IMMP2L: variants seen among roughly 807,000 people sequenced by gnomAD.
IMMP2L encodes inner mitochondrial membrane peptidase subunit 2.
Under a neutral mutation model 19.3 loss-of-function variants are expected in IMMP2L, and 18 were observed. The ratio of observed to expected loss-of-function variants is 0.93; its 90% CI spans 0.64 to 1.38. The LOEUF is 1.38. Ranked by LOEUF, IMMP2L falls within the 40% of genes most tolerant of loss-of-function variation. IMMP2L has a pLI of 0.00. For missense variants in IMMP2L, 233 were observed against 218.2 expected, an observed-to-expected ratio of 1.07 and a Z score of -0.43; for synonymous variants, 76 against 73.0, an observed-to-expected ratio of 1.04 and a Z score of -0.21.
intron 5 of IMMP2L, among the ~76,000 whole-genome samples, chr7:110,689,020 AGT>A (rs1243282410): frequency 6.7e-6 from 1 of 149,660 alleles, no homozygotes; most frequent in Non-Finnish European, 1.5e-5. Flanking sequence ...TGATTCTCAA[AGT>A]GTTGTCCTGC....
chr7:111,308,028 T>C (rs1584547523), intron 3 of IMMP2L, among the ~76,000 whole-genome samples: 1 of 151,972 alleles, frequency 6.6e-6, no homozygotes, highest in Non-Finnish European at 1.5e-5. Context: ...AAAACAATTA[T>C]AGTGATATAG....
At chr7:111,191,539 C>A (rs1015507085) in intron 3 of IMMP2L, among the ~76,000 whole-genome samples, 1 of 151,720 alleles carries the variant, frequency 6.6e-6, no homozygotes, top group African/African-American at 2.4e-5. Flanking sequence ...ATGTACTCTT[C>A]CAGGCAAATT....
At chr7:110,884,309 A>G (rs1217343090) in intron 5 of IMMP2L, among the ~76,000 whole-genome samples, 2 of 152,008 alleles carry the variant, frequency 1.3e-5, no homozygotes, top group East Asian at 3.9e-4. Context: ...GAAATTACTG[A>G]GAGAAATGCT....
At chr7:111,195,686 T>C (rs1485640406) in intron 3 of IMMP2L, among the ~76,000 whole-genome samples, 1 of 2,914 alleles carries the variant, frequency 3.4e-4, no homozygotes, top group South Asian at 0.013. Flanking sequence ...CCCTATGAGT[T>C]CCTTTTTATG....
chr7:111,179,464 C>A (rs1223399975), intron 3 of IMMP2L, among the ~76,000 whole-genome samples: 3 of 151,978 alleles, frequency 2.0e-5, no homozygotes, highest in Non-Finnish European at 4.4e-5. Context: ...TCCAGTGTGG[C>A]CTAGGGAAAC....
At chr7:110,744,033 G>A (rs2130881948) in intron 5 of IMMP2L, among the ~76,000 whole-genome samples, 1 of 152,288 alleles carries the variant, frequency 6.6e-6, no homozygotes, top group Admixed American at 6.5e-5. Context: ...CAGCACAGCA[G>A]CAGTCTGAGT....
intron 3 of IMMP2L, among the ~76,000 whole-genome samples, chr7:111,066,980 C>A (rs1212620283): frequency 1.3e-5 from 2 of 152,136 alleles, no homozygotes; most frequent in Non-Finnish European, 2.9e-5. Flanking sequence ...TAGGTAAGCT[C>A]CCCTGCTCAG....
chr7:110,732,132 T>A (rs1032611883), intron 5 of IMMP2L, among the ~76,000 whole-genome samples: 5 of 152,118 alleles, frequency 3.3e-5, no homozygotes, highest in Non-Finnish European at 7.4e-5. Context: ...TTCAAGGGGC[T>A]GGAGAGCATG....
Position 110,972,015 on chromosome 7 carries a change from A to T in IMMP2L, c.240-8450T>A, listed in dbSNP as rs116195495. ...GAGGTTAGAACATAAGTAGAATATG[A>T]AGTATCCTGACACATTTCTGTTCCA... On this transcript the variant is annotated intron_variant, in intron 3 of 5. Coordinates refer to ENST00000405709, the MANE Select transcript of IMMP2L (RefSeq NM_032549.4). Among the ~76,000 whole-genome samples, 315 of 152,172 alleles carry T rather than the reference A, an allele frequency of 2.1e-3. 1 individual carries two copies. Among genetic ancestry groups the T allele is most frequent in the African/African-American group, 7.4e-3 (307 of 41,530 alleles).
intron 3 of IMMP2L, among the ~76,000 whole-genome samples, chr7:111,160,972 T>C (rs1178735991): frequency 2.0e-5 from 3 of 151,594 alleles, no homozygotes; most frequent in African/African-American, 4.8e-5. Context: ...AATAATTATC[T>C]GCCAATAAGT....
intron 3 of IMMP2L, among the ~76,000 whole-genome samples, chr7:111,486,140 C>T (rs760804580): frequency 6.6e-6 from 1 of 152,148 alleles, no homozygotes; most frequent in Non-Finnish European, 1.5e-5. Flanking sequence ...ACCTGAGAAG[C>T]ATTTAATCCC....
intron 3 of IMMP2L, among the ~76,000 whole-genome samples, chr7:111,454,570 A>G (rs1405598542): frequency 6.6e-6 from 1 of 152,080 alleles, no homozygotes; most frequent in Non-Finnish European, 1.5e-5. Context: ...TTTCCTGTGT[A>G]TCATTTCAAA....
intron 3 of IMMP2L, among the ~76,000 whole-genome samples, chr7:111,088,059 C>CTA (rs1796507731): frequency 4.6e-5 from 7 of 152,118 alleles, no homozygotes; most frequent in African/African-American, 1.4e-4. Flanking sequence ...GGTAAGGATT[C>CTA]AAACCCAGAC....
At chr7:110,867,124 C>T (rs1808060616) in intron 5 of IMMP2L, among the ~76,000 whole-genome samples, 1 of 151,886 alleles carries the variant, frequency 6.6e-6, no homozygotes, top group South Asian at 2.1e-4. Flanking sequence ...GACTGGGTGA[C>T]TTAAACAACA....
intron 3 of IMMP2L, among the ~76,000 whole-genome samples, chr7:111,430,188 G>A (rs1563181585): frequency 6.6e-6 from 1 of 151,748 alleles, no homozygotes; most frequent in Non-Finnish European, 1.5e-5. Flanking sequence ...AGCAAAATTA[G>A]AGAATACATA....
At chr7:111,538,444 T>C (rs970488490) in intron 1 of IMMP2L, among the ~76,000 whole-genome samples, 1 of 151,812 alleles carries the variant, frequency 6.6e-6, no homozygotes, top group Non-Finnish European at 1.5e-5. Context: ...CTGAAGATAT[T>C]TATGAAGAAA....
intron 4 of IMMP2L, among the ~76,000 whole-genome samples, chr7:110,916,503 A>G (rs1392278932): frequency 6.6e-6 from 1 of 152,224 alleles, no homozygotes; most frequent in Non-Finnish European, 1.5e-5. Context: ...ACAGAGAGTA[A>G]AAGTGAATCC....
chr7:111,409,002 A>T (rs1200956725), intron 3 of IMMP2L, among the ~76,000 whole-genome samples: 1 of 151,788 alleles, frequency 6.6e-6, no homozygotes, highest in Non-Finnish European at 1.5e-5. Flanking sequence ...AAATGGTGAT[A>T]AAAAGTACCA....
At chr7:111,238,292 A>T (rs907236486) in intron 3 of IMMP2L, among the ~76,000 whole-genome samples, 1 of 151,772 alleles carries the variant, frequency 6.6e-6, no homozygotes, top group Non-Finnish European at 1.5e-5. Flanking sequence ...CCAAGGATTC[A>T]CCCTATGGAA....
Sources: allele counts gnomAD v4.1 joint callset (sites outside exome capture counted in the v4.1 genomes callset), GRCh38; gene constraint gnomAD v4.1.1; transcripts MANE v1.5; gene names NCBI Gene and HGNC (gene_info 2026-07-23, HGNC 2026-07-21).